ADAMTS14: variants seen among roughly 807,000 people sequenced by gnomAD.
ADAMTS14 encodes A disintegrin and metalloproteinase with thrombospondin motifs 14.
In ADAMTS14, 100 loss-of-function variants were observed where a neutral mutation model predicts 128.6. The ratio of observed to expected loss-of-function variants is 0.78; its 90% confidence interval spans 0.66 to 0.92. The LOEUF is 0.92. Among genes scored for constraint, ADAMTS14 ranks in the 40% least tolerant of loss-of-function variants. The probability of loss-of-function intolerance (pLI) is 0.00; values close to 1 mark genes in which losing one functional copy is unlikely to be tolerated. For synonymous variants in ADAMTS14, 665 were observed against 653.8 expected (o/e 1.02, Z -0.26); for missense variants, 1,562 against 1,658.6 (o/e 0.94, Z 1.01).
intron 4 of ADAMTS14, among the ~76,000 whole-genome samples, chr10:70,726,497 G>A (rs944579720): frequency 6.6e-6 from 1 of 152,190 alleles, no homozygotes; most frequent in Non-Finnish European, 1.5e-5. Flanking sequence ...GATAACTGAT[G>A]GGTTTACATG....
chr10:70,752,024 C>T (rs1842364608), intron 17 of ADAMTS14, 71 bp from the exon 18 acceptor site: 4 of 1,556,980 alleles, frequency 2.6e-6, no homozygotes, highest in African/African-American at 1.4e-5. Flanking sequence ...ACAGGTACTG[C>T]CCCTGAGGCC....
intron 2 of ADAMTS14, among the ~76,000 whole-genome samples, chr10:70,683,744 C>T (rs1037250104): frequency 1.3e-4 from 20 of 152,258 alleles, no homozygotes; most frequent in East Asian, 5.8e-4. Context: ...GGCTGTGCTC[C>T]GCTGAAGGGT....
In ADAMTS14 at chr10:70,710,666, C is replaced by T. The variant is rs566190015; in HGVS notation, c.870+1888C>T. ...CTTCCTGTCTTTGTGACTTTGGGGGCGAGTTACGAACCCTCTGGTGTGTCT... is the reference window on the plus strand; with the variant it reads ...CTTCCTGTCTTTGTGACTTTGGGGGTGAGTTACGAACCCTCTGGTGTGTCT... On this transcript the variant is annotated intron_variant, in intron 4 of 21. Transcript: ENST00000373207. 3.0e-4 allele frequency among the ~76,000 whole-genome samples: 46 copies of T among 152,242 alleles called. No individual in the cohort carries two copies. In the South Asian group the frequency reaches 4.8e-3, roughly 16 times the overall value.
intron 4 of ADAMTS14, among the ~76,000 whole-genome samples, chr10:70,721,551 A>G (rs1236551148): frequency 6.6e-6 from 1 of 151,096 alleles, no homozygotes; most frequent in Non-Finnish European, 1.5e-5. Flanking sequence ...ACGCCTGGCT[A>G]ATTTTTTCTG....
chr10:70,688,664 G>C (rs1443517535), intron 2 of ADAMTS14, among the ~76,000 whole-genome samples: 2 of 113,704 alleles, frequency 1.8e-5, no homozygotes, highest in African/African-American at 6.2e-5. Flanking sequence ...TTAGGGGCTG[G>C]AGACTGGCCC....
In ADAMTS14 at chr10:70,758,045, G is replaced by A. The variant is rs1288900865; in HGVS notation, c.3021G>A (p.Gly1007=). Residue 1007 remains glycine, a synonymous_variant, in exon 20 of 22, where the codon GGG becomes GGA. Transcript: ENST00000373207. ...TNANSLGHCE[G]DRPDTVQVCS... ...CCAACAGCCTCGGGCATTGCGAGGG[G>A]GATAGGCCAGACACTGTCCAGGTCT... The A allele has an allele frequency of 6.2e-7, 1 of 1,613,750 alleles. No individual in the cohort carries two copies. The highest frequency in any genetic ancestry group is 2.2e-5 in the East Asian group (1 of 44,880).
intron 3 of ADAMTS14, among the ~76,000 whole-genome samples, chr10:70,706,107 T>C (rs1451496815): frequency 1.3e-5 from 2 of 152,156 alleles, no homozygotes; most frequent in Admixed American, 1.3e-4. Context: ...TGTCTGCTCC[T>C]GTCATCCTGA....
intron 4 of ADAMTS14, among the ~76,000 whole-genome samples, chr10:70,712,120 C>T (rs1240907866): frequency 6.6e-6 from 1 of 152,116 alleles, no homozygotes; most frequent in Non-Finnish European, 1.5e-5. Flanking sequence ...AACACTTGAC[C>T]GCCCACCCAG....
intron 4 of ADAMTS14, among the ~76,000 whole-genome samples, chr10:70,724,326 G>A (rs150725707): frequency 3.9e-5 from 6 of 152,344 alleles, no homozygotes; most frequent in Non-Finnish European, 5.9e-5. Context: ...GAGCAGGGAA[G>A]CTGGACACAC....
intron 3 of ADAMTS14, among the ~76,000 whole-genome samples, chr10:70,707,277 C>G (rs1840696812): frequency 6.6e-6 from 1 of 152,246 alleles, no homozygotes; most frequent in African/African-American, 2.4e-5. Flanking sequence ...CTGCCACACC[C>G]CTAATACATG....
In ADAMTS14 at chr10:70,753,996, GC is replaced by G. The variant is rs1453915167; in HGVS notation, c.2928del (p.Trp977GlyfsTer54). The G allele has an allele frequency of 6.4e-7, 1 of 1,565,028 alleles. No homozygotes were observed. Among genetic ancestry groups the G allele is most frequent in the Admixed American group, 1.9e-5 (1 of 53,872 alleles). On this transcript the variant is annotated frameshift_variant, in exon 19 of 22. Transcript: ENST00000373207. LOFTEE classifies it high-confidence loss of function. ...CTGCCCAGCCCAGTGGAGGCTGGGAGCCTGGTCCCAGGTGACTTGTCCTCAG... is the reference window on the plus strand; with the variant it reads ...CTGCCCAGCCCAGTGGAGGCTGGGAGCTGGTCCCAGGTGACTTGTCCTCAG... The part of the protein sequence containing the change: ...VPCPAQWRLG[A>X]WSQCSATCGE...
rs1049554519 is a variant in ADAMTS14, at chr10:70,674,689, G to A, written c.216G>A (p.Thr72=). ...AASAGSMVVD[T]PPTLPRHSSH... Reference sequence around the variant, plus strand: ...CTGCAGGGAGCATGGTAGTGGACACGCCACCCACACTACCACGACACTCCA... The same window carrying A: ...CTGCAGGGAGCATGGTAGTGGACACACCACCCACACTACCACGACACTCCA... Residue 72 remains threonine, a synonymous_variant, in exon 2 of 22, where the codon ACG becomes ACA. Coordinates refer to ENST00000373207, the MANE Select transcript of ADAMTS14 (RefSeq NM_080722.4). 15 of 1,613,268 alleles carry A rather than the reference G, an allele frequency of 9.3e-6. No homozygotes were observed. Among genetic ancestry groups the A allele is most frequent in the Non-Finnish European group, 1.2e-5 (14 of 1,180,030 alleles).
At position 70,738,991 on chromosome 10, in the gene ADAMTS14, G is replaced by A. The variant is rs764109367; in HGVS notation, c.1748+1G>A. On this transcript the variant is annotated splice_donor_variant, in intron 11 of 21. Coordinates refer to ENST00000373207, the MANE Select transcript of ADAMTS14 (RefSeq NM_080722.4). LOFTEE classifies it high-confidence loss of function. Reference sequence around the variant, plus strand: ...GCAGCCGGAGCTGCAACAACCCCTCGTGAGTGTGCTTGGCTAGGGTGGGGA... The same window carrying A: ...GCAGCCGGAGCTGCAACAACCCCTCATGAGTGTGCTTGGCTAGGGTGGGGA... The A allele has an allele frequency of 7.4e-5, 119 of 1,604,976 alleles. No homozygotes were observed. The highest frequency in any genetic ancestry group is 1.6e-4 in the East Asian group (7 of 44,796).
chr10:70,674,780 CG>C lies in ADAMTS14; in HGVS notation c.308del (p.Arg103ProfsTer26). The C allele has an allele frequency of 6.2e-7, 1 of 1,613,350 alleles. No homozygotes were observed. The highest frequency in any genetic ancestry group is 8.5e-7 in the Non-Finnish European group (1 of 1,179,934). The stretch of plus-strand genomic sequence containing the variant: ...GACCCTGTGGCCTGGCAGGGTGGGG[CG>C]CCACTCCCTCTACTTCAATGTCACT... ...GGTLWPGRVG[R>X]HSLYFNVTVF... On this transcript the variant is annotated frameshift_variant, in exon 2 of 22. Coordinates refer to ENST00000373207, the MANE Select transcript of ADAMTS14 (RefSeq NM_080722.4). LOFTEE classifies it high-confidence loss of function.
rs749657704 is a variant in ADAMTS14, at chr10:70,730,251, T to C, written c.1102+2T>C. 2 of 1,613,532 alleles carry C rather than the reference T, an allele frequency of 1.2e-6. No homozygotes were observed. The highest frequency in any genetic ancestry group is 1.7e-5 in the Admixed American group (1 of 59,990). On this transcript the variant is annotated splice_donor_variant, in intron 6 of 21. Coordinates refer to ENST00000373207, the MANE Select transcript of ADAMTS14 (RefSeq NM_080722.4). LOFTEE classifies it high-confidence loss of function. ...CCCGGCAGGACTTTGGGCCCTCAGG[T>C]ATGCAAGGTACTGTATTTGCCATGG...
At chr10:70,675,049 A>C in intron 2 of ADAMTS14, 54 bp downstream of exon 2, 1 of 1,580,570 alleles carries the variant, frequency 6.3e-7, no homozygotes, top group South Asian at 1.1e-5. Flanking sequence ...TGCCCTGCTC[A>C]CATGGTTTTG....
intron 16 of ADAMTS14, among the ~76,000 whole-genome samples, chr10:70,750,594 T>TG (rs894219564): frequency 6.6e-6 from 1 of 152,174 alleles, no homozygotes; most frequent in Non-Finnish European, 1.5e-5. Flanking sequence ...CCTCACCAGC[T>TG]GGGGGGCTCC....
At chr10:70,707,517 C>T (rs1030555739) in intron 3 of ADAMTS14, among the ~76,000 whole-genome samples, 4 of 152,194 alleles carry the variant, frequency 2.6e-5, no homozygotes, top group Non-Finnish European at 4.4e-5. Flanking sequence ...TCCATGCACC[C>T]TCACTCCACC....
rs909090539 is a variant in ADAMTS14, at chr10:70,736,536, G to T, written c.1486-144G>T. On this transcript the variant is annotated intron_variant, in intron 9 of 21. Coordinates refer to ENST00000373207, the MANE Select transcript of ADAMTS14 (RefSeq NM_080722.4). The stretch of plus-strand genomic sequence containing the variant: ...CCGGTACTTGGAGTTGAGTAAACTT[G>T]AAGCAGGTGAGGGGCTCTGGCTGCC... 1.4e-5 allele frequency: 9 copies of T among 634,502 alleles called. No homozygotes were observed. In the African/African-American group the frequency reaches 1.7e-4, roughly 12 times the overall value. 39.3% of individuals were successfully genotyped at this position (634,502 alleles called of 1,614,324 possible).
Sources: allele counts gnomAD v4.1 joint callset (sites outside exome capture counted in the v4.1 genomes callset), GRCh38; gene constraint gnomAD v4.1.1; transcripts MANE v1.5; gene names NCBI Gene and HGNC (gene_info 2026-07-23, HGNC 2026-07-21).